Variants in ATXN2 observed in about 807,000 individuals in gnomAD.
The protein encoded by ATXN2 is ataxin-2.
A neutral mutation model predicts 138.6 loss-of-function variants in ATXN2; 37 were observed. The observed-to-expected ratio is 0.27, with a 90% CI of 0.21 to 0.35. The LOEUF is 0.35. Ranked by LOEUF, ATXN2 falls within the 10% of genes least tolerant of loss-of-function variation. The pLI is 1.00. For synonymous variants in ATXN2, 549 were observed against 543.7 expected, an observed-to-expected ratio of 1.01 and a Z score of -0.13; for missense variants, 1,216 against 1,480.3, an observed-to-expected ratio of 0.82 and a Z score of 2.93.
At chr12:111,492,310 T>G (rs1457467208) in intron 14 of ATXN2, among the ~76,000 whole-genome samples, 1 of 152,218 alleles carries the variant, frequency 6.6e-6, no homozygotes, top group Non-Finnish European at 1.5e-5. Context: ...TGGGGTGCCC[T>G]CTAATGCATG....
intron 5 of ATXN2, among the ~76,000 whole-genome samples, chr12:111,546,810 T>G (rs1221018830): frequency 1.3e-5 from 2 of 152,224 alleles, no homozygotes; most frequent in East Asian, 3.8e-4. Flanking sequence ...ACCTCAGATC[T>G]GTCTGCACTG....
chr12:111,503,385 A>T (rs1878903736), intron 14 of ATXN2, among the ~76,000 whole-genome samples: 1 of 152,218 alleles, frequency 6.6e-6, no homozygotes, highest in South Asian at 2.1e-4. Flanking sequence ...CAAGCTGCCT[A>T]ATATACACAG....
chr12:111,582,726 T>G (rs1193102006), intron 1 of ATXN2, among the ~76,000 whole-genome samples: 1 of 152,200 alleles, frequency 6.6e-6, no homozygotes, highest in Non-Finnish European at 1.5e-5. Context: ...TGGAGTGCAG[T>G]GGCACCATCT....
chr12:111,497,701 T>C (rs750614081), intron 14 of ATXN2, among the ~76,000 whole-genome samples: 1 of 151,860 alleles, frequency 6.6e-6, no homozygotes, highest in Non-Finnish European at 1.5e-5. Context: ...TTATATCACA[T>C]AAAATGCCAC....
intron 5 of ATXN2, among the ~76,000 whole-genome samples, chr12:111,549,109 A>T (rs149191749): frequency 3.2e-4 from 49 of 152,204 alleles, no homozygotes; most frequent in Non-Finnish European, 6.8e-4. Flanking sequence ...GACTGTCCAG[A>T]GCCTCACCCA....
chr12:111,470,599 T>G lies in ATXN2; in HGVS notation c.2668A>C (p.Asn890His), dbSNP rs762538193. ...YVAYSPQQFP[N>H]QPLVQHVPHY... ...GGCACATGCTGAACAAGGGGCTGAT[T>G]TGGGAACTGCTGAGGACTGTAGGCA... The change falls in exon 19 of 25, where the codon AAT becomes CAT. Residue 890 changes from asparagine (N) to histidine (H), a missense_variant. Asn to His is a moderately conservative substitution (Grantham distance 68, BLOSUM62 1). Around this residue, in one of 4 missense-constraint regions of ATXN2, gnomAD observed 490 missense variants for 653.5 expected, o/e 0.75. Coordinates refer to ENST00000673436, the MANE Select transcript of ATXN2 (RefSeq NM_001372574.1). The G allele has an allele frequency of 3.3e-5, 53 of 1,613,992 alleles. No homozygotes were observed. In the African/African-American group the frequency reaches 6.8e-4, roughly 21 times the overall value.
At chr12:111,597,881 C>T in intron 1 of ATXN2, 1 of 1,288,584 alleles carries the variant, frequency 7.8e-7, no homozygotes, top group Non-Finnish European at 1.0e-6. Context: ...CACCCCGGAT[C>T]TCCAGGGTCC....
chr12:111,485,860 C>T lies in ATXN2; in HGVS notation c.2310G>A (p.Lys770=). 1 of 1,613,586 alleles carries T rather than the reference C, an allele frequency of 6.2e-7. No individual in the cohort carries two copies. Among genetic ancestry groups the T allele is most frequent in the South Asian group, 1.1e-5 (1 of 90,962 alleles). ...GAGGTGAAGTTGGGGTAGTAGAAGG[C>T]TTTGGCTACAAAAACAACAATAAAT... The part of the protein sequence containing the change: ...EFNPRSFSQP[K]PSTTPTSPRP... Residue 770 remains lysine, a synonymous_variant, in exon 17 of 25, where the codon AAG becomes AAA. Transcript: ENST00000673436.
Position 111,583,634 on chromosome 12 carries a change from G to T in ATXN2, c.251+15150C>A, listed in dbSNP as rs1273857375. Among the ~76,000 whole-genome samples, 4 of 151,852 alleles carry T rather than the reference G, an allele frequency of 2.6e-5. 1 individual carries two copies. The highest frequency in any genetic ancestry group is 1.3e-4 in the Admixed American group (2 of 15,200). ...ATATAAAAATTAGCTGGGCATGGTG[G>T]TGGGTGCCTGTAATCCCAACTATTC... On this transcript the variant is annotated intron_variant, in intron 1 of 24. Transcript: ENST00000673436.
intron 20 of ATXN2, among the ~76,000 whole-genome samples, chr12:111,465,767 C>CAAAA (rs61456193): frequency 5.5e-3 from 198 of 36,174 alleles, no homozygotes; most frequent in East Asian, 0.012. Context: ...GAGACTACCT[C>CAAAA]AAAAAAAAAA....
intron 1 of ATXN2, among the ~76,000 whole-genome samples, chr12:111,568,818 T>C (rs1883160597): frequency 1.3e-5 from 2 of 152,218 alleles, no homozygotes; most frequent in East Asian, 1.9e-4. Context: ...TTAACTCACT[T>C]AGGTGAGTCA....
intron 14 of ATXN2, among the ~76,000 whole-genome samples, chr12:111,507,780 G>A (rs971336858): frequency 2.2e-4 from 34 of 152,256 alleles, no homozygotes; most frequent in Admixed American, 6.5e-4. Flanking sequence ...GGAGAAAGAA[G>A]TAGACATGGT....
At chr12:111,536,766 G>A (rs1179402059) in intron 5 of ATXN2, among the ~76,000 whole-genome samples, 1 of 146,716 alleles carries the variant, frequency 6.8e-6, no homozygotes, top group Non-Finnish European at 1.5e-5. Context: ...GAAAACCTAT[G>A]TCCACACGCA....
chr12:111,538,771 T>C (rs1489294874), intron 5 of ATXN2, among the ~76,000 whole-genome samples: 1 of 150,414 alleles, frequency 6.6e-6, no homozygotes, highest in African/African-American at 2.4e-5. Flanking sequence ...TACTTCAAAA[T>C]CAACTAAAAA....
intron 1 of ATXN2, among the ~76,000 whole-genome samples, chr12:111,564,511 G>A (rs1423124738): frequency 6.6e-6 from 1 of 150,868 alleles, no homozygotes; most frequent in Non-Finnish European, 1.5e-5. Flanking sequence ...ATATGCAACA[G>A]AGAAGCTATA....
chr12:111,495,305 T>G (rs942824901), intron 14 of ATXN2, among the ~76,000 whole-genome samples: 1 of 120,834 alleles, frequency 8.3e-6, no homozygotes, highest in African/African-American at 3.5e-5. Context: ...CAAAACTCTG[T>G]CTCAAAAAAA....
intron 14 of ATXN2, among the ~76,000 whole-genome samples, chr12:111,503,497 T>C (rs921577745): frequency 6.6e-6 from 1 of 152,038 alleles, no homozygotes; most frequent in Non-Finnish European, 1.5e-5. Context: ...CAATAAAACA[T>C]AAGAGAATAA....
At chr12:111,588,751 G>A (rs1315644443) in intron 1 of ATXN2, among the ~76,000 whole-genome samples, 1 of 151,778 alleles carries the variant, frequency 6.6e-6, no homozygotes, top group Non-Finnish European at 1.5e-5. Context: ...CAGCACTTTG[G>A]GAAGCCGAGG....
At position 111,599,029 on chromosome 12, in the gene ATXN2, C is replaced by A. The variant is rs947110541; in HGVS notation, c.6G>T (p.Ser2=). 1.1e-5 allele frequency: 17 copies of A among 1,501,838 alleles called. No homozygotes were observed. The African/African-American group carries it at 2.5e-4, about 22-fold the overall frequency. The allele number at this position is 1,501,838 out of a possible 1,614,324, so 93.0% of individuals were successfully genotyped here. The change falls in exon 1 of 25, where the codon TCG becomes TCT. Residue 2 remains serine (S), a synonymous_variant. Coordinates refer to ENST00000673436, the MANE Select transcript of ATXN2 (RefSeq NM_001372574.1). The part of the protein sequence containing the change: M[S]LKPQQQQQQQ... ...GCTGCTGCTGCTGCTGGGGCTTCAGCGACATGGTGAGGGGCCCATACACCG... is the reference window on the plus strand; with the variant it reads ...GCTGCTGCTGCTGCTGGGGCTTCAGAGACATGGTGAGGGGCCCATACACCG...
Sources: allele counts gnomAD v4.1 joint callset (sites outside exome capture counted in the v4.1 genomes callset), GRCh38; gene constraint gnomAD v4.1.1; regional missense constraint gnomAD v4.1.1; transcripts MANE v1.5; gene names NCBI Gene and HGNC (gene_info 2026-07-23, HGNC 2026-07-21).